The following MINDY3 variants were observed in gnomAD, a reference collection of about 807,000 sequenced individuals.
MINDY3 encodes ubiquitin carboxyl-terminal hydrolase MINDY-3.
Under a neutral mutation model 69.2 loss-of-function variants are expected in MINDY3, and 38 were observed. The observed-to-expected ratio is 0.55, with a 90% CI of 0.42 to 0.72. The LOEUF is 0.72. MINDY3 is among the 30% of genes least tolerant of loss of function. The pLI, the probability that MINDY3 is intolerant of heterozygous loss-of-function variation, is 0.00. For synonymous variants in MINDY3, 192 were observed against 180.1 expected (o/e 1.07, Z -0.53); for missense variants, 522 against 519.0 (o/e 1.01, Z -0.06).
chr10:15,797,690 C>A (rs1373738438), intron 10 of MINDY3, among the ~76,000 whole-genome samples: 1 of 152,106 alleles, frequency 6.6e-6, no homozygotes, highest in African/African-American at 2.4e-5. Context: ...TCTTAAAACC[C>A]TCTTTCCTTT....
chr10:15,842,428 T>C (rs993670630), intron 3 of MINDY3, among the ~76,000 whole-genome samples: 1 of 151,902 alleles, frequency 6.6e-6, no homozygotes, highest in Admixed American at 6.6e-5. Flanking sequence ...ATAAATTTTA[T>C]TAAAAGTTCA....
chr10:15,808,281 T>C (rs749414857), intron 10 of MINDY3, among the ~76,000 whole-genome samples: 2 of 152,194 alleles, frequency 1.3e-5, no homozygotes. Flanking sequence ...AATCTCAATA[T>C]ATGCACAAAC....
intron 5 of MINDY3, 176 bp downstream of exon 5, chr10:15,838,052 T>TACATTTACAAACTATTTTA: frequency 1.0e-6 from 1 of 983,268 alleles, no homozygotes; most frequent in Non-Finnish European, 1.2e-6. Context: ...GCATAGTTTA[T>TACATTTACAAACTATTTTA]ACATTTACAA....
chr10:15,822,166 T>C (rs1839811494), intron 8 of MINDY3, among the ~76,000 whole-genome samples: 1 of 152,202 alleles, frequency 6.6e-6, no homozygotes, highest in African/African-American at 2.4e-5. Flanking sequence ...GTGACTCCAC[T>C]TGCCTAATAC....
chr10:15,847,303 C>T lies in MINDY3; in HGVS notation c.174+561G>A, dbSNP rs897488133. 1.6e-4 allele frequency among the ~76,000 whole-genome samples: 25 copies of T among 152,198 alleles called. No homozygotes were observed. The South Asian group carries it at 1.7e-3, about 10-fold the overall frequency. ...GATTCCAAATCAAATAAAGACATTC[C>T]GATAAATCCTATGTTTTGTGCAAAG... On this transcript the variant is annotated intron_variant, in intron 2 of 14. Coordinates refer to ENST00000277632, the MANE Select transcript of MINDY3 (RefSeq NM_024948.4).
At chr10:15,814,659 G>C (rs1185572797) in intron 10 of MINDY3, among the ~76,000 whole-genome samples, 2 of 152,096 alleles carry the variant, frequency 1.3e-5, no homozygotes, top group Non-Finnish European at 2.9e-5. Context: ...AGGTGGGCGA[G>C]AGACAGCCCC....
At chr10:15,782,297 T>C in intron 13 of MINDY3, 71 bp from the exon 14 acceptor site, 1 of 1,027,694 alleles carries the variant, frequency 9.7e-7, no homozygotes, top group Non-Finnish European at 1.4e-6. Context: ...CAACTGAAAG[T>C]AAAATGCATG....
At chr10:15,800,118 G>T (rs1838154515) in intron 10 of MINDY3, among the ~76,000 whole-genome samples, 1 of 152,010 alleles carries the variant, frequency 6.6e-6, no homozygotes, top group South Asian at 2.1e-4. Flanking sequence ...TTGGAAATTT[G>T]TGACAATTTG....
intron 13 of MINDY3, 199 bp from the exon 14 acceptor site, chr10:15,782,425 G>A (rs544921036): frequency 2.2e-5 from 11 of 507,780 alleles, no homozygotes; most frequent in East Asian, 6.7e-5. Context: ...TGAAGAAGAT[G>A]CTGGAAAGTA....
chr10:15,779,416 GA>G (rs1332315248), intron 14 of MINDY3, among the ~76,000 whole-genome samples: 5 of 151,634 alleles, frequency 3.3e-5, no homozygotes, highest in African/African-American at 1.2e-4. Flanking sequence ...TTGTTTCTAA[GA>G]AAAAAAACAT....
At chr10:15,781,781 T>A (rs886354382) in intron 14 of MINDY3, among the ~76,000 whole-genome samples, 2 of 152,200 alleles carry the variant, frequency 1.3e-5, no homozygotes, top group Non-Finnish European at 2.9e-5. Flanking sequence ...AGGTTATTTA[T>A]TTAAAAATAT....
In MINDY3 at chr10:15,834,563, A is replaced by T; in HGVS notation, c.630T>A (p.Asp210Glu). The change falls in exon 7 of 15, where the codon GAT becomes GAA. Residue 210 changes from aspartate to glutamate, a missense_variant. Coordinates refer to ENST00000277632, the MANE Select transcript of MINDY3 (RefSeq NM_024948.4). The part of the protein sequence containing the change: ...EIEDASEPLI[D>E]PVYGHGSQSL... ...ATTACCTGCCATGTCCATATACAGG[A>T]TCTATCAAGGGTTCACTTGCATCTT... 6.2e-7 allele frequency: 1 copy of T among 1,611,812 alleles called. No homozygotes were observed.
chr10:15,848,649 AAAAAAAAAAAAAAGAAAG>A (rs1249340505), intron 1 of MINDY3, among the ~76,000 whole-genome samples: 10 of 128,876 alleles, frequency 7.8e-5, no homozygotes, highest in East Asian at 1.9e-4. Flanking sequence ...AAAAAAAAAA[AAAAAAAAAAAAAAGAAAG>A]AAAAATTAAA....
At position 15,841,495 on chromosome 10, in the gene MINDY3, T is replaced by C. The variant is rs1833464311; in HGVS notation, c.340A>G (p.Lys114Glu). The change falls in exon 4 of 15, where the codon AAG becomes GAG. Residue 114 changes from lysine (K) to glutamate (E), a missense_variant. By Grantham distance (56) the Lys-to-Glu change is moderately conservative. Coordinates refer to ENST00000277632, the MANE Select transcript of MINDY3 (RefSeq NM_024948.4). ...SYCLVSWLRGKTTEETASISG... is the reference protein window; with the variant it reads ...SYCLVSWLRGETTEETASISG... ...ATACTAGCAGTTTCCTCAGTTGTCT[T>C]TCCTCTTAACCATGAAACCAAGCAG... is the stretch of plus-strand genomic sequence containing the variant. 3.7e-6 allele frequency: 6 copies of C among 1,612,258 alleles called. No homozygotes were observed. The highest frequency in any genetic ancestry group is 5.1e-6 in the Non-Finnish European group (6 of 1,178,720).
rs769427699 is a variant in MINDY3 at position 15,843,235 on chromosome 10, T to C, written c.212A>G (p.Lys71Arg). The C allele has an allele frequency of 2.6e-5, 42 of 1,613,022 alleles. No homozygotes were observed. The highest frequency in any genetic ancestry group is 3.5e-5 in the Non-Finnish European group (41 of 1,179,126). The change falls in exon 3 of 15, where the codon AAG becomes AGG. Residue 71 changes from lysine to arginine, a missense_variant. Physicochemically the swap from Lys to Arg is conservative, Grantham distance 26. Transcript: ENST00000277632. Reference protein sequence around the residue: ...LLKKLLFSSEKSSWRDCSEEE... With the variant: ...LLKKLLFSSERSSWRDCSEEE... ...ACCTGAACAATCCCGCCAAGAAGACTTCTCCGAAGAAAACAGGAGCTTCTT... is the reference window on the plus strand; with the variant it reads ...ACCTGAACAATCCCGCCAAGAAGACCTCTCCGAAGAAAACAGGAGCTTCTT...
At chr10:15,816,282 G>GAAAAAAAAAAAAAAAAAAAAAAAAAAAAA (rs1421619763) in intron 10 of MINDY3, among the ~76,000 whole-genome samples, 4 of 108,512 alleles carry the variant, frequency 3.7e-5, no homozygotes, top group African/African-American at 6.2e-5. Context: ...AAAAAAAAAT[G>GAAAAAAAAAAAAAAAAAAAAAAAAAAAAA]AAAAAGAAAA....
chr10:15,794,359 G>A (rs1837649031), intron 11 of MINDY3, among the ~76,000 whole-genome samples: 1 of 152,062 alleles, frequency 6.6e-6, no homozygotes, highest in Non-Finnish European at 1.5e-5. Flanking sequence ...AAAAAAAACT[G>A]AAAAATTAAT....
At chr10:15,811,863 ACTTT>A (rs1839025044) in intron 10 of MINDY3, among the ~76,000 whole-genome samples, 1 of 152,174 alleles carries the variant, frequency 6.6e-6, no homozygotes, top group South Asian at 2.1e-4. Context: ...TCAGAATAAA[ACTTT>A]CTAATTAGAT....
intron 8 of MINDY3, among the ~76,000 whole-genome samples, chr10:15,831,912 G>A (rs1430784576): frequency 1.3e-5 from 2 of 152,074 alleles, no homozygotes; most frequent in Non-Finnish European, 1.5e-5. Context: ...CTCACCTCAG[G>A]TGATCCATCC....
Sources: allele counts gnomAD v4.1 joint callset (sites outside exome capture counted in the v4.1 genomes callset), GRCh38; gene constraint gnomAD v4.1.1; transcripts MANE v1.5; gene names NCBI Gene and HGNC (gene_info 2026-07-23, HGNC 2026-07-21).